RTTN: variants seen among roughly 807,000 people sequenced by gnomAD.
RTTN encodes rotatin.
In RTTN, 182 loss-of-function variants were observed where a neutral mutation model predicts 269.2. The observed-to-expected ratio is 0.68, with a 90% CI of 0.60 to 0.76. RTTN has a LOEUF of 0.76. Ranked by LOEUF, RTTN falls within the 30% of genes least tolerant of loss-of-function variation. RTTN has a pLI of 0.00. For missense variants in RTTN, 2,545 were observed against 2,608.6 expected (o/e 0.98, Z 0.53); for synonymous variants, 1,006 against 963.5 (o/e 1.04, Z -0.82).
chr18:70,117,744 G>A (rs2145524910), intron 26 of RTTN, among the ~76,000 whole-genome samples: 1 of 151,998 alleles, frequency 6.6e-6, no homozygotes, highest in Middle Eastern at 3.4e-3. Context: ...GGTGTTACAA[G>A]TCTTAACAAA....
Position 70,092,125 on chromosome 18 carries a change from A to C in RTTN, c.4128T>G (p.Val1376=). ...TCACACTCACCTCTGGGTCCCGATCAACCCATAATGGAATCAACCAAGCCA... is the reference window on the plus strand; with the variant it reads ...TCACACTCACCTCTGGGTCCCGATCCACCCATAATGGAATCAACCAAGCCA... ...QGLAWLIPLW[V]DRDPEVRFTS... is the part of the protein sequence containing the mutation. The change falls in exon 30 of 49, where the codon GTT becomes GTG. Residue 1376 remains valine, a synonymous_variant. Transcript: ENST00000640769. The C allele has an allele frequency of 6.2e-7, 1 of 1,608,924 alleles. No individual in the cohort carries two copies.
At chr18:70,015,827 C>T (rs1411810193) in intron 46 of RTTN, among the ~76,000 whole-genome samples, 1 of 25,564 alleles carries the variant, frequency 3.9e-5, no homozygotes, top group Non-Finnish European at 3.0e-4. Flanking sequence ...GTAAGTAGCC[C>T]TCAAAGAAAA....
At position 70,048,484 on chromosome 18, in the gene RTTN, G is replaced by A. The variant is rs151048387; in HGVS notation, c.5324-296C>T. Among the ~76,000 whole-genome samples, 755 of 152,246 alleles carry A rather than the reference G, an allele frequency of 5.0e-3. 8 individuals carry two copies. Among genetic ancestry groups the A allele is most frequent in the African/African-American group, 0.017 (709 of 41,542 alleles). Reference sequence around the variant, plus strand: ...TGGAAAGAACAGACCAAACTGAAAGGAATTTACACTGAAACAGTCATTATT... The same window carrying A: ...TGGAAAGAACAGACCAAACTGAAAGAAATTTACACTGAAACAGTCATTATT... On this transcript the variant is annotated intron_variant, in intron 39 of 48. Coordinates refer to ENST00000640769, the MANE Select transcript of RTTN (RefSeq NM_173630.4).
At chr18:70,079,498 C>T (rs891683440) in intron 32 of RTTN, among the ~76,000 whole-genome samples, 4 of 151,990 alleles carry the variant, frequency 2.6e-5, no homozygotes, top group African/African-American at 7.3e-5. Flanking sequence ...GTCTTTCATG[C>T]ACACACTAGG....
intron 11 of RTTN, among the ~76,000 whole-genome samples, chr18:70,172,079 T>C (rs1209912237): frequency 2.0e-5 from 3 of 152,228 alleles, no homozygotes; most frequent in African/African-American, 4.8e-5. Flanking sequence ...ACAGGGCTAG[T>C]ACTTTTAGCT....
At chr18:70,102,376 C>T (rs1012801170) in intron 28 of RTTN, among the ~76,000 whole-genome samples, 6 of 152,112 alleles carry the variant, frequency 3.9e-5, no homozygotes, top group African/African-American at 7.2e-5. Flanking sequence ...TCTGTTTTAT[C>T]GGAGAGAGGA....
chr18:70,117,180 A>G (rs764773163), intron 26 of RTTN, among the ~76,000 whole-genome samples: 1 of 152,162 alleles, frequency 6.6e-6, no homozygotes, highest in Middle Eastern at 3.4e-3. Flanking sequence ...TCAGGCGTTC[A>G]TATCTGCCTA....
rs184081126 is a variant in RTTN at position 70,127,657 on chromosome 18, G to A, written c.3228C>T (p.Leu1076=). 4.2e-5 allele frequency: 67 copies of A among 1,613,486 alleles called. No homozygotes were observed. In the East Asian group the frequency reaches 1.3e-3, roughly 32 times the overall value. The change falls in exon 25 of 49, where the codon CTC becomes CTT. Residue 1076 remains leucine (L), a synonymous_variant. Coordinates refer to ENST00000640769, the MANE Select transcript of RTTN (RefSeq NM_173630.4). ...THMASGLQDC[L]HSIVQAATHR... ...GGGTTGCAGCCTGAACAATGGAATGGAGGCAGTCCTGCAGCCCACTAGCCA... is the reference window on the plus strand; with the variant it reads ...GGGTTGCAGCCTGAACAATGGAATGAAGGCAGTCCTGCAGCCCACTAGCCA...
chr18:70,141,813 A>G (rs1346533472), intron 19 of RTTN, among the ~76,000 whole-genome samples: 1 of 152,170 alleles, frequency 6.6e-6, no homozygotes, highest in Non-Finnish European at 1.5e-5. Context: ...GCATAGCTAC[A>G]GTGTACTATT....
intron 46 of RTTN, among the ~76,000 whole-genome samples, chr18:70,012,597 G>C (rs1051123113): frequency 6.6e-6 from 1 of 151,600 alleles, no homozygotes; most frequent in African/African-American, 2.4e-5. Flanking sequence ...CTGCTCACTG[G>C]TATTGGTTAG....
intron 21 of RTTN, 125 bp from the exon 22 acceptor site, chr18:70,135,405 A>C (rs2145678958): frequency 3.5e-6 from 2 of 568,704 alleles, no homozygotes; most frequent in East Asian, 7.1e-5. Context: ...GGTGACACTA[A>C]AACACAGGCT....
Position 70,140,183 on chromosome 18 carries a change from T to C in RTTN, c.2587A>G (p.Lys863Glu). Reference protein sequence around the residue: ...EQLAVIMQDIKMHAVVKKLCL... With the variant: ...EQLAVIMQDIEMHAVVKKLCL... ...AACTTTTTCACCACAGCATGCATTTTAATATCTGTAGATAAAAAAAGTTAC... is the reference window on the plus strand; with the variant it reads ...AACTTTTTCACCACAGCATGCATTTCAATATCTGTAGATAAAAAAAGTTAC... The change falls in exon 20 of 49, where the codon AAA becomes GAA. Residue 863 changes from lysine to glutamate, a missense_variant. By Grantham distance (56) the Lys-to-Glu change is moderately conservative. Coordinates refer to ENST00000640769, the MANE Select transcript of RTTN (RefSeq NM_173630.4). The C allele has an allele frequency of 6.5e-7, 1 of 1,547,018 alleles. No homozygotes were observed. Among genetic ancestry groups the C allele is most frequent in the Non-Finnish European group, 8.9e-7 (1 of 1,121,822 alleles).
chr18:70,193,379 G>A lies in RTTN; in HGVS notation c.916C>T (p.Pro306Ser), dbSNP rs189500744. The A allele has an allele frequency of 6.2e-7, 1 of 1,608,600 alleles. No individual in the cohort carries two copies. Among genetic ancestry groups the A allele is most frequent in the Non-Finnish European group, 8.5e-7 (1 of 1,177,844 alleles). Residue 306 changes from proline to serine, a missense_variant, in exon 8 of 49, where the codon CCA (proline) becomes TCA (serine). By Grantham distance (74) the Pro-to-Ser change is moderately conservative. Coordinates refer to ENST00000640769, the MANE Select transcript of RTTN (RefSeq NM_173630.4). ...GAAGGCCGAGGGCTGCTGCTTCCTG[G>A]GGAAGGATTCTGGGAATGATGAGTA... The part of the protein sequence containing the change: ...RGTHHSQNPS[P>S]GSSSPRPSVV...
intron 32 of RTTN, among the ~76,000 whole-genome samples, chr18:70,076,051 G>GA (rs1415698768): frequency 6.6e-6 from 1 of 151,156 alleles, no homozygotes; most frequent in Non-Finnish European, 1.5e-5. Flanking sequence ...TCCTGACAAG[G>GA]AAAAAAAACA....
chr18:70,142,772 T>G (rs534451788), intron 18 of RTTN, among the ~76,000 whole-genome samples: 1 of 152,262 alleles, frequency 6.6e-6, no homozygotes, highest in South Asian at 2.1e-4. Flanking sequence ...TCATCTGAGG[T>G]CAGGAGTTCA....
At chr18:70,195,810 A>G (rs1451800208) in intron 7 of RTTN, among the ~76,000 whole-genome samples, 1 of 152,238 alleles carries the variant, frequency 6.6e-6, no homozygotes, top group Non-Finnish European at 1.5e-5. Context: ...AGTCATTTGT[A>G]CAATGCCATA....
At chr18:70,137,092 A>G (rs1411299902) in intron 21 of RTTN, among the ~76,000 whole-genome samples, 2 of 152,200 alleles carry the variant, frequency 1.3e-5, no homozygotes, top group Non-Finnish European at 2.9e-5. Context: ...TCTTTGGGGA[A>G]ATTGAGAACG....
intron 36 of RTTN, among the ~76,000 whole-genome samples, chr18:70,059,457 C>G (rs978942349): frequency 4.0e-5 from 6 of 151,552 alleles, no homozygotes; most frequent in African/African-American, 1.5e-4. Context: ...TGAATTTAAC[C>G]AATAATTTTT....
intron 34 of RTTN, among the ~76,000 whole-genome samples, chr18:70,069,323 A>C (rs900070953): frequency 6.6e-6 from 1 of 152,220 alleles, no homozygotes; most frequent in Non-Finnish European, 1.5e-5. Flanking sequence ...AAATATATAC[A>C]ATTTTATTTG....
Sources: allele counts gnomAD v4.1 joint callset (sites outside exome capture counted in the v4.1 genomes callset), GRCh38; gene constraint gnomAD v4.1.1; transcripts MANE v1.5; gene names NCBI Gene and HGNC (gene_info 2026-07-23, HGNC 2026-07-21).